PTPRK: variants seen among roughly 807,000 people sequenced by gnomAD.
PTPRK encodes protein tyrosine phosphatase receptor type K.
In PTPRK, 75 loss-of-function variants were observed where a neutral mutation model predicts 178.0. That is an observed-to-expected ratio of 0.42 (90% CI 0.35 to 0.51). PTPRK has a LOEUF of 0.51. Among genes scored for constraint, PTPRK ranks in the 20% least tolerant of loss-of-function variants. The probability of loss-of-function intolerance (pLI) is 0.02; values close to 1 mark genes in which losing one functional copy is unlikely to be tolerated. For missense variants in PTPRK, 1,441 were observed against 1,797.8 expected, an observed-to-expected ratio of 0.80 and a Z score of 3.59; for synonymous variants, 637 against 620.6, an observed-to-expected ratio of 1.03 and a Z score of -0.39.
chr6:128,234,603 T>C (rs1812886925), intron 5 of PTPRK, among the ~76,000 whole-genome samples: 1 of 152,244 alleles, frequency 6.6e-6, no homozygotes. Flanking sequence ...GTCTGTCCTC[T>C]TTCCAAAACC....
At chr6:128,278,557 A>G (rs1387207890) in intron 3 of PTPRK, among the ~76,000 whole-genome samples, 2 of 152,184 alleles carry the variant, frequency 1.3e-5, no homozygotes, top group Non-Finnish European at 2.9e-5. Flanking sequence ...TAACAAAGTA[A>G]TGTCACTTTA....
intron 1 of PTPRK, among the ~76,000 whole-genome samples, chr6:128,486,484 A>C (rs1280819469): frequency 6.6e-6 from 1 of 152,184 alleles, no homozygotes; most frequent in Non-Finnish European, 1.5e-5. Context: ...AATTATATCT[A>C]TACTCTGATT....
intron 3 of PTPRK, among the ~76,000 whole-genome samples, chr6:128,284,727 T>G (rs1822196797): frequency 1.3e-5 from 2 of 152,180 alleles, no homozygotes; most frequent in Admixed American, 1.3e-4. Context: ...GCATACAAAG[T>G]AGGTCAGAAG....
intron 1 of PTPRK, among the ~76,000 whole-genome samples, chr6:128,400,109 G>T (rs571168517): frequency 5.8e-4 from 89 of 152,148 alleles, no homozygotes; most frequent in African/African-American, 2.0e-3. Flanking sequence ...TAACTGGACT[G>T]ATAAATGAGA....
intron 3 of PTPRK, among the ~76,000 whole-genome samples, chr6:128,316,346 C>T (rs1827992483): frequency 2.0e-5 from 3 of 152,150 alleles, no homozygotes; most frequent in African/African-American, 7.2e-5. Flanking sequence ...ATTGAACAAA[C>T]AATGCTTATT....
intron 7 of PTPRK, among the ~76,000 whole-genome samples, chr6:128,105,483 G>C (rs1262542558): frequency 1.3e-5 from 2 of 152,128 alleles, no homozygotes; most frequent in Admixed American, 1.3e-4. Flanking sequence ...AGAAAGCGAT[G>C]AATATATTAA....
intron 13 of PTPRK, among the ~76,000 whole-genome samples, chr6:128,048,026 C>T (rs1186464988): frequency 6.6e-6 from 1 of 152,096 alleles, no homozygotes; most frequent in African/African-American, 2.4e-5. Context: ...TTGTCCTTCC[C>T]ACCTCTCTGT....
At chr6:128,459,378 C>T (rs1174991972) in intron 1 of PTPRK, among the ~76,000 whole-genome samples, 1 of 152,106 alleles carries the variant, frequency 6.6e-6, no homozygotes, top group African/African-American at 2.4e-5. Flanking sequence ...CACCTGGAAA[C>T]CTTGTTCCAC....
At chr6:128,211,437 ACAT>A (rs1218383642) in intron 6 of PTPRK, among the ~76,000 whole-genome samples, 1 of 152,108 alleles carries the variant, frequency 6.6e-6, no homozygotes, top group Non-Finnish European at 1.5e-5. Flanking sequence ...AAGAGGGAAA[ACAT>A]CATTTATCTT....
intron 7 of PTPRK, among the ~76,000 whole-genome samples, chr6:128,105,375 C>T (rs1484694566): frequency 1.3e-5 from 2 of 152,048 alleles, no homozygotes; most frequent in Non-Finnish European, 2.9e-5. Flanking sequence ...CCTTGTGATC[C>T]GCCCACCTCA....
At chr6:128,205,772 C>T in intron 6 of PTPRK, among the ~76,000 whole-genome samples, 1 of 54,448 alleles carries the variant, frequency 1.8e-5, no homozygotes, top group African/African-American at 9.3e-5. Context: ...ATCTGCATCA[C>T]AGACCAAAAA....
intron 6 of PTPRK, among the ~76,000 whole-genome samples, chr6:128,193,279 T>TAAAAAAAAAAAAAAAAAAAAA (rs1554338433): frequency 5.2e-5 from 1 of 19,394 alleles, no homozygotes; most frequent in African/African-American, 1.6e-4. Flanking sequence ...ATCCAGCTTG[T>TAAAAAAAAAAAAAAAAAAAAA]GAAAAAAAAA....
At chr6:128,092,844 T>C (rs1157005820) in intron 7 of PTPRK, among the ~76,000 whole-genome samples, 3 of 152,214 alleles carry the variant, frequency 2.0e-5, no homozygotes, top group African/African-American at 7.2e-5. Context: ...TTCTGAGGTA[T>C]AAATACATAA....
intron 3 of PTPRK, among the ~76,000 whole-genome samples, chr6:128,282,141 G>A (rs1821778156): frequency 6.6e-6 from 1 of 152,130 alleles, no homozygotes; most frequent in Non-Finnish European, 1.5e-5. Context: ...ACTATACATG[G>A]CTGTTGACTG....
At chr6:128,151,619 A>G (rs1399982826) in intron 7 of PTPRK, among the ~76,000 whole-genome samples, 4 of 152,218 alleles carry the variant, frequency 2.6e-5, no homozygotes, top group Admixed American at 2.6e-4. Flanking sequence ...TAGCATAAAT[A>G]TAAGTAACAT....
At chr6:128,146,601 G>C (rs150238739) in intron 7 of PTPRK, among the ~76,000 whole-genome samples, 22 of 151,772 alleles carry the variant, frequency 1.4e-4, no homozygotes, top group Admixed American at 2.0e-4. Flanking sequence ...ACACCACCAC[G>C]CCCAGCTAAT....
chr6:128,468,299 A>G (rs938551946), intron 1 of PTPRK, among the ~76,000 whole-genome samples: 1 of 152,176 alleles, frequency 6.6e-6, no homozygotes, highest in Non-Finnish European at 1.5e-5. Context: ...GTTACTAAAC[A>G]TGTATGCATA....
intron 1 of PTPRK, among the ~76,000 whole-genome samples, chr6:128,513,661 G>C (rs1009554223): frequency 6.6e-6 from 1 of 152,144 alleles, no homozygotes; most frequent in South Asian, 2.1e-4. Flanking sequence ...CTTTGTCCTA[G>C]AGCAGTGTTT....
At chr6:128,513,493 A>AAAAGAAAG (rs562818808) in intron 1 of PTPRK, among the ~76,000 whole-genome samples, 48 of 150,338 alleles carry the variant, frequency 3.2e-4, no homozygotes, top group South Asian at 1.0e-3. Context: ...CAAAAAAAAA[A>AAAAGAAAG]AAAGAAAGAA....
Sources: gnomAD v4.1 joint callset for allele counts (sites outside exome capture counted in the v4.1 genomes callset) on GRCh38, gnomAD v4.1.1 for gene constraint, MANE v1.5 for transcripts, NCBI Gene and HGNC (gene_info 2026-07-23, HGNC 2026-07-21) for gene names.